TTC29: variants seen among roughly 807,000 people sequenced by gnomAD.
The protein encoded by TTC29 is tetratricopeptide repeat domain 29.
Under a neutral mutation model 58.1 loss-of-function variants are expected in TTC29, and 49 were observed. The observed-to-expected ratio is 0.84, with a 90% CI of 0.67 to 1.07. The LOEUF (loss-of-function observed/expected upper bound fraction) is 1.07. Among genes scored for constraint, TTC29 ranks in the 50% least tolerant of loss-of-function variants. The pLI is 0.00. For synonymous variants in TTC29, 209 were observed against 196.8 expected, an observed-to-expected ratio of 1.06 and a Z score of -0.52; for missense variants, 582 against 555.6, an observed-to-expected ratio of 1.05 and a Z score of -0.48.
At chr4:146,826,817 C>T (rs1053268821) in intron 9 of TTC29, among the ~76,000 whole-genome samples, 4 of 151,620 alleles carry the variant, frequency 2.6e-5, no homozygotes, top group South Asian at 4.1e-4. Flanking sequence ...CTTTTCATTC[C>T]TTTTCCTCTA....
intron 11 of TTC29, among the ~76,000 whole-genome samples, chr4:146,710,697 A>G (rs904331846): frequency 6.6e-6 from 1 of 152,122 alleles, no homozygotes; most frequent in Admixed American, 6.6e-5. Flanking sequence ...AGTAAGGGAG[A>G]CTAGAAGCAA....
chr4:146,841,598 C>G (rs181544429), intron 8 of TTC29, among the ~76,000 whole-genome samples: 47 of 151,952 alleles, frequency 3.1e-4, no homozygotes, highest in African/African-American at 9.4e-4. Context: ...TCCTCTGTAC[C>G]TATTCCTTTC....
At chr4:146,791,932 C>T (rs59928107) in intron 11 of TTC29, among the ~76,000 whole-genome samples, 8,379 of 152,284 alleles carry the variant, frequency 0.055, 307 homozygotes, top group South Asian at 0.14. Context: ...AAGCCCCAAA[C>T]TCTCTAATTC....
At chr4:146,796,401 C>T (rs1027553232) in intron 11 of TTC29, among the ~76,000 whole-genome samples, 4 of 152,076 alleles carry the variant, frequency 2.6e-5, no homozygotes, top group Admixed American at 2.0e-4. Flanking sequence ...ACCTCTGTTG[C>T]ACCCCAATTT....
At chr4:146,740,863 G>GA in intron 11 of TTC29, among the ~76,000 whole-genome samples, 1 of 152,102 alleles carries the variant, frequency 6.6e-6, no homozygotes, top group Non-Finnish European at 1.5e-5. Flanking sequence ...CCAAGCAGCT[G>GA]AAACTACAGG....
At chr4:146,866,867 AG>A in intron 8 of TTC29, among the ~76,000 whole-genome samples, 1 of 152,328 alleles carries the variant, frequency 6.6e-6, no homozygotes, top group Non-Finnish European at 1.5e-5. Flanking sequence ...TACATAGTAG[AG>A]GTAAGAGAAG....
chr4:146,875,801 A>C (rs1308693119), intron 6 of TTC29, among the ~76,000 whole-genome samples: 1 of 152,208 alleles, frequency 6.6e-6, no homozygotes, highest in East Asian at 1.9e-4. Flanking sequence ...TCCAAAATAT[A>C]TCTTCTCCAA....
chr4:146,865,008 A>G (rs1051381211), intron 8 of TTC29, among the ~76,000 whole-genome samples: 1 of 152,034 alleles, frequency 6.6e-6, no homozygotes, highest in Non-Finnish European at 1.5e-5. Flanking sequence ...GGGGCAATTG[A>G]GACTTAAAGA....
At position 146,937,611 on chromosome 4, in the gene TTC29, T is replaced by G. The variant is rs1389181317; in HGVS notation, c.159A>C (p.Ser53=). ...GTACTTACGCAGCAACTTCCTCTTTTGATAATCCTTTGAAATTTACCTCTA... is the reference window on the plus strand; with the variant it reads ...GTACTTACGCAGCAACTTCCTCTTTGGATAATCCTTTGAAATTTACCTCTA... The part of the protein sequence containing the change: ...HYLEVNFKGL[S]KEEVAAYRNS... Residue 53 remains serine (S), a synonymous_variant, in exon 4 of 13, where the codon TCA becomes TCC. Transcript: ENST00000325106. 4 of 1,534,368 alleles carry G rather than the reference T, an allele frequency of 2.6e-6. No individual in the cohort carries two copies. The highest frequency in any genetic ancestry group is 3.5e-6 in the Non-Finnish European group (4 of 1,136,348).
At chr4:146,910,421 A>G (rs1240119095) in intron 4 of TTC29, among the ~76,000 whole-genome samples, 1 of 152,126 alleles carries the variant, frequency 6.6e-6, no homozygotes, top group Non-Finnish European at 1.5e-5. Flanking sequence ...TAACAAAACA[A>G]AACAAAGTGA....
intron 6 of TTC29, among the ~76,000 whole-genome samples, chr4:146,878,524 A>G (rs573947663): frequency 6.6e-6 from 1 of 152,286 alleles, no homozygotes; most frequent in African/African-American, 2.4e-5. Flanking sequence ...ACTCAAATAT[A>G]TGCTCCAGAG....
At chr4:146,724,844 G>A (rs973252012) in intron 11 of TTC29, among the ~76,000 whole-genome samples, 2 of 152,166 alleles carry the variant, frequency 1.3e-5, no homozygotes. Flanking sequence ...AATTATTTAA[G>A]TTCAAAGAAA....
chr4:146,744,290 G>A (rs1300125865), intron 11 of TTC29, among the ~76,000 whole-genome samples: 1 of 151,976 alleles, frequency 6.6e-6, no homozygotes, highest in Admixed American at 6.6e-5. Flanking sequence ...CCAGCAGTTT[G>A]GGAGGCTGAG....
chr4:146,783,964 AT>A (rs1211129318), intron 11 of TTC29, among the ~76,000 whole-genome samples: 1 of 151,896 alleles, frequency 6.6e-6, no homozygotes, highest in Non-Finnish European at 1.5e-5. Flanking sequence ...CCTAAGACTC[AT>A]TTCTATCTCT....
At chr4:146,793,420 T>C (rs1749612600) in intron 11 of TTC29, among the ~76,000 whole-genome samples, 1 of 152,208 alleles carries the variant, frequency 6.6e-6, no homozygotes, top group Non-Finnish European at 1.5e-5. Context: ...TGCCGTAGGC[T>C]CAGATGACAA....
intron 11 of TTC29, among the ~76,000 whole-genome samples, chr4:146,716,398 G>C (rs1310420468): frequency 2.0e-5 from 3 of 152,076 alleles, no homozygotes; most frequent in Admixed American, 6.6e-5. Context: ...CTTTAGAACA[G>C]AGAATTATAT....
At chr4:146,784,711 A>C (rs1282552683) in intron 11 of TTC29, among the ~76,000 whole-genome samples, 8 of 152,126 alleles carry the variant, frequency 5.3e-5, no homozygotes, top group African/African-American at 1.9e-4. Context: ...GTGAGAAATA[A>C]ATTTCTGCTG....
At chr4:146,832,614 G>C (rs993224652) in intron 9 of TTC29, among the ~76,000 whole-genome samples, 1 of 151,724 alleles carries the variant, frequency 6.6e-6, no homozygotes, top group African/African-American at 2.4e-5. Context: ...TGGGATTACA[G>C]GAGCCCTCCT....
At chr4:146,840,367 C>G (rs933171719) in intron 8 of TTC29, among the ~76,000 whole-genome samples, 1 of 151,994 alleles carries the variant, frequency 6.6e-6, no homozygotes, top group Non-Finnish European at 1.5e-5. Flanking sequence ...AACGCCCAAC[C>G]TTCAGAACCA....
Sources: gnomAD v4.1 joint callset for allele counts (sites outside exome capture counted in the v4.1 genomes callset) on GRCh38, gnomAD v4.1.1 for gene constraint, MANE v1.5 for transcripts, NCBI Gene and HGNC (gene_info 2026-07-23, HGNC 2026-07-21) for gene names.